MPP3: variants seen among roughly 807,000 people sequenced by gnomAD.
The protein encoded by MPP3 is MAGUK p55 subfamily member 3.
MPP3 carries 48 observed loss-of-function variants against 80.7 expected under a neutral mutation model. The observed-to-expected ratio is 0.59, with a 90% CI of 0.47 to 0.76. The LOEUF (loss-of-function observed/expected upper bound fraction) is 0.76, where lower values mean the gene tolerates loss of function less well. MPP3 is among the 30% of genes least tolerant of loss of function. The probability of loss-of-function intolerance (pLI) is 0.00; values close to 1 mark genes in which losing one functional copy is unlikely to be tolerated. For missense variants in MPP3, 620 were observed against 763.0 expected (o/e 0.81, Z 2.21); for synonymous variants, 311 against 297.6 (o/e 1.04, Z -0.46).
At chr17:43,817,107 G>A (rs1219287418) in intron 12 of MPP3, among the ~76,000 whole-genome samples, 13 of 152,288 alleles carry the variant, frequency 8.5e-5, no homozygotes, top group Non-Finnish European at 5.9e-5. Flanking sequence ...AGGATGGAGC[G>A]GGGTGGAGCA....
In MPP3 at chr17:43,801,661, T is replaced by G; in HGVS notation, c.*40A>C. ...AAATGAGGGAGTCTGGACTAGATGA[T>G]CTTCAAGGTCCCGTCCAGCTTGGAT... On this transcript the variant is annotated 3_prime_UTR_variant, in exon 20 of 20. Transcript: ENST00000398389. The G allele has an allele frequency of 6.3e-7, 1 of 1,595,872 alleles. No homozygotes were observed. Among genetic ancestry groups the G allele is most frequent in the Non-Finnish European group, 8.6e-7 (1 of 1,164,558 alleles).
At chr17:43,801,984 T>G (rs1469299098) in intron 19 of MPP3, 107 bp from the exon 20 acceptor site, 4 of 1,148,074 alleles carry the variant, frequency 3.5e-6, no homozygotes, top group Non-Finnish European at 4.9e-6. Context: ...AAGTGATGAG[T>G]GGATGACTAG....
At chr17:43,817,874 CT>C in intron 12 of MPP3, 171 bp downstream of exon 12, 1 of 482,518 alleles carries the variant, frequency 2.1e-6, no homozygotes, top group Non-Finnish European at 3.7e-6. Context: ...TCTCCAGGGA[CT>C]AGCTGCCCCC....
Position 43,814,184 on chromosome 17 carries a change from G to T in MPP3, c.1174+13C>A. The T allele has an allele frequency of 6.2e-7, 1 of 1,612,194 alleles. No homozygotes were observed. Among genetic ancestry groups the T allele is most frequent in the Non-Finnish European group, 8.5e-7 (1 of 1,179,072 alleles). On this transcript the variant is annotated intron_variant, in intron 15 of 19. Transcript: ENST00000398389. ...AACCAGATCACTTCCTGGAAACCCA[G>T]GATGGCACCTACCGATCAGAACCAC...
At chr17:43,820,278 A>G (rs182928413) in intron 11 of MPP3, among the ~76,000 whole-genome samples, 2 of 152,184 alleles carry the variant, frequency 1.3e-5, no homozygotes, top group African/African-American at 4.8e-5. Context: ...TTTGTTTATC[A>G]GCATTCTCTG....
At chr17:43,832,927 G>T in intron 1 of MPP3, 108 bp from the exon 2 acceptor site, 1 of 152,746 alleles carries the variant, frequency 6.5e-6, no homozygotes, top group South Asian at 1.8e-4. Context: ...GCGCGCGGCG[G>T]GGCGGGCGCG....
At chr17:43,812,597 T>C (rs750343340) in intron 16 of MPP3, among the ~76,000 whole-genome samples, 29 of 152,240 alleles carry the variant, frequency 1.9e-4, no homozygotes, top group Non-Finnish European at 4.0e-4. Context: ...AAAACTCCTA[T>C]TTACTCTTCA....
chr17:43,801,983 G>A (rs906492151), intron 19 of MPP3, 106 bp from the exon 20 acceptor site: 3 of 1,156,724 alleles, frequency 2.6e-6, no homozygotes, highest in South Asian at 3.1e-5. Context: ...TAAGTGATGA[G>A]TGGATGACTA....
rs1274354325 is a variant in MPP3, at chr17:43,810,904, T to C, written c.1361A>G (p.His454Arg). Residue 454 changes from histidine (H) to arginine (R), a missense_variant, in exon 18 of 20, where the codon CAT (histidine) becomes CGT (arginine). Coordinates refer to ENST00000398389, the MANE Select transcript of MPP3 (RefSeq NM_001932.6). The part of the protein sequence containing the change: ...ADLHHNKFLE[H>R]GEYKENLYGT... The stretch of plus-strand genomic sequence containing the variant: ...ATACAGATTTTCCTTATATTCACCA[T>C]GTTCCAGGAACCTAAAACACCACCA... 1.2e-6 allele frequency: 2 copies of C among 1,604,130 alleles called. No individual in the cohort carries two copies. Among genetic ancestry groups the C allele is most frequent in the Non-Finnish European group, 1.7e-6 (2 of 1,177,214 alleles).
In MPP3 at chr17:43,831,625, G is replaced by T. The variant is rs1357062652; in HGVS notation, c.78C>A (p.Asn26Lys). ...TCAGGAAGCCCATCTCCTCCTTGTGGTTGGAGTCAGGTCTGAGCTGGGAGG... is the reference window on the plus strand; with the variant it reads ...TCAGGAAGCCCATCTCCTCCTTGTGTTTGGAGTCAGGTCTGAGCTGGGAGG... ...LLTSQLRPDS[N>K]HKEEMGFLRD... is the part of the protein sequence containing the mutation. The change falls in exon 4 of 20, where the codon AAC (asparagine) becomes AAA (lysine). Residue 26 changes from asparagine to lysine, a missense_variant. Physicochemically the swap from Asn to Lys is moderately conservative, Grantham distance 94. Transcript: ENST00000398389. 5 of 1,613,810 alleles carry T rather than the reference G, an allele frequency of 3.1e-6. No homozygotes were observed. The highest frequency in any genetic ancestry group is 4.2e-6 in the Non-Finnish European group (5 of 1,179,908).
At chr17:43,832,389 C>A (rs745382179) in intron 2 of MPP3, 18 of 194,672 alleles carry the variant, frequency 9.2e-5, no homozygotes, top group Non-Finnish European at 1.2e-4. Context: ...TGGCTCAAGT[C>A]TCCTGCTGGG....
chr17:43,808,899 T>G, intron 19 of MPP3, 57 bp downstream of exon 19: 1 of 1,558,834 alleles, frequency 6.4e-7, no homozygotes, highest in Non-Finnish European at 8.6e-7. Flanking sequence ...GCTAGAAGCG[T>G]TCCTGTAACA....
In MPP3 at chr17:43,827,820, G is replaced by T. The variant is rs771313380; in HGVS notation, c.454C>A (p.Arg152=). 6.2e-6 allele frequency: 10 copies of T among 1,613,096 alleles called. No homozygotes were observed. In the East Asian group the frequency reaches 2.0e-4, roughly 32 times the overall value. The change falls in exon 8 of 20, where the codon CGG becomes AGG. Residue 152 remains arginine, a synonymous_variant. Coordinates refer to ENST00000398389, the MANE Select transcript of MPP3 (RefSeq NM_001932.6). ...ACAGCCCCTGAGTGCTCGTCCCGCC[G>T]GATGGTGGCACCCTGAACCCGAGAC... is the stretch of plus-strand genomic sequence containing the variant. The part of the protein sequence containing the change: ...KNKEPLGATI[R]RDEHSGAVVV...
intron 16 of MPP3, among the ~76,000 whole-genome samples, chr17:43,812,829 G>A (rs1187117183): frequency 2.6e-5 from 4 of 152,194 alleles, no homozygotes; most frequent in African/African-American, 7.2e-5. Context: ...TTGGAAGGCC[G>A]TGGCTCCCTG....
chr17:43,805,778 A>C lies in MPP3; in HGVS notation c.1581+3178T>G, dbSNP rs550973446. ...AGTAGATTAGCAGTTGCCTGTGGCT[A>C]GGAAGGGGCTGGAGGAAAACAGATA... is the stretch of plus-strand genomic sequence containing the variant. On this transcript the variant is annotated intron_variant, in intron 19 of 19. Transcript: ENST00000398389. 2.6e-5 allele frequency among the ~76,000 whole-genome samples: 4 copies of C among 152,334 alleles called. No homozygotes were observed. In the South Asian group the frequency reaches 8.3e-4, roughly 32 times the overall value.
intron 19 of MPP3, among the ~76,000 whole-genome samples, chr17:43,807,731 G>C (rs1399130084): frequency 6.6e-6 from 1 of 152,136 alleles, no homozygotes; most frequent in Middle Eastern, 3.2e-3. Flanking sequence ...TGAGGCAGGA[G>C]GATCATTTGA....
chr17:43,804,471 G>A (rs1266033834), intron 19 of MPP3, among the ~76,000 whole-genome samples: 1 of 152,050 alleles, frequency 6.6e-6, no homozygotes, highest in African/African-American at 2.4e-5. Flanking sequence ...GTGATGCTGG[G>A]GTAACTGGCT....
intron 19 of MPP3, among the ~76,000 whole-genome samples, chr17:43,804,466 G>C (rs1347145804): frequency 3.3e-5 from 5 of 152,184 alleles, no homozygotes; most frequent in Admixed American, 6.5e-5. Context: ...AACCAGTGAT[G>C]CTGGGGTAAC....
At chr17:43,810,763 T>C in intron 18 of MPP3, 44 bp downstream of exon 18, 1 of 1,349,350 alleles carries the variant, frequency 7.4e-7, no homozygotes, top group Non-Finnish European at 1.0e-6. Flanking sequence ...CCCCTAGTTA[T>C]AAATTCCGTT....
Sources: allele counts gnomAD v4.1 joint callset (sites outside exome capture counted in the v4.1 genomes callset), GRCh38; gene constraint gnomAD v4.1.1; transcripts MANE v1.5; gene names NCBI Gene and HGNC (gene_info 2026-07-23, HGNC 2026-07-21).